Variants in FOXK1 observed in about 807,000 individuals in gnomAD.
FOXK1 encodes forkhead box K1.
Under a neutral mutation model 51.9 loss-of-function variants are expected in FOXK1, and 19 were observed. That is an observed-to-expected ratio of 0.37 (90% CI 0.26 to 0.54). The LOEUF is 0.54. Among genes scored for constraint, FOXK1 ranks in the 20% least tolerant of loss-of-function variants. FOXK1 has a pLI of 0.87. For missense variants in FOXK1, 870 were observed against 1,032.7 expected, an observed-to-expected ratio of 0.84 and a Z score of 2.16; for synonymous variants, 537 against 482.6, an observed-to-expected ratio of 1.11 and a Z score of -1.48.
chr7:4,754,672 A>C, intron 3 of FOXK1, 57 bp downstream of exon 3: 1 of 1,556,028 alleles, frequency 6.4e-7, no homozygotes, highest in Non-Finnish European at 8.7e-7. Flanking sequence ...GGCCATAGTG[A>C]CCCGGCGCGG....
chr7:4,732,093 TCTG>T (rs1780485328), intron 1 of FOXK1, among the ~76,000 whole-genome samples: 1 of 152,206 alleles, frequency 6.6e-6, no homozygotes, highest in African/African-American at 2.4e-5. Context: ...CACTTGGGCT[TCTG>T]CTACATTTAT....
chr7:4,693,183 T>C (rs1779915364), intron 1 of FOXK1, among the ~76,000 whole-genome samples: 1 of 152,224 alleles, frequency 6.6e-6, no homozygotes, highest in Non-Finnish European at 1.5e-5. Flanking sequence ...ATGCAGATCT[T>C]CTAATGTTAA....
Position 4,749,928 on chromosome 7 carries a change from C to T in FOXK1, c.747-4531C>T, listed in dbSNP as rs73305336. 0.02 allele frequency among the ~76,000 whole-genome samples: 3,006 copies of T among 152,310 alleles called. 97 individuals carry two copies. The highest frequency in any genetic ancestry group is 0.069 in the African/African-American group (2,862 of 41,560). On this transcript the variant is annotated intron_variant, in intron 2 of 8. Transcript: ENST00000328914. The surrounding 1 kb of genome is among the most constrained non-coding windows in gnomAD (Gnocchi z 6.0). ...CACAGCCCGTCCGTCCCTCTGCAGT[C>T]TCCCTGCACTGGCATGTCCTGGGTG...
intron 1 of FOXK1, among the ~76,000 whole-genome samples, chr7:4,738,619 C>T (rs1189723083): frequency 6.6e-6 from 1 of 152,132 alleles, no homozygotes; most frequent in Non-Finnish European, 1.5e-5. Context: ...CCCTTCTAAA[C>T]CTCAGGGGTG....
At chr7:4,741,153 T>G (rs762850888) in intron 2 of FOXK1, 130 bp downstream of exon 2, 23 of 626,934 alleles carry the variant, frequency 3.7e-5, no homozygotes, top group Non-Finnish European at 5.2e-5. Flanking sequence ...ACAGAAAGTG[T>G]TGTACGTCCA....
At position 4,756,611 on chromosome 7, in the gene FOXK1, A is replaced by G. The variant is rs1377656873; in HGVS notation, c.1051-383A>G. Among the ~76,000 whole-genome samples, 1 of 151,910 alleles carries G rather than the reference A, an allele frequency of 6.6e-6. No individual in the cohort carries two copies. The highest frequency in any genetic ancestry group is 1.5e-5 in the Non-Finnish European group (1 of 67,968). ...GACCCCATCTCAACTAAAAATACAA[A>G]AAAATCAACCCAGCATGGTGGCCCA... On this transcript the variant is annotated intron_variant, in intron 4 of 8. Transcript: ENST00000328914. This position sits in a 1 kb window ranked among gnomAD's most constrained non-coding sequence, Gnocchi z 4.1.
At chr7:4,705,971 T>TATAC (rs1780088097) in intron 1 of FOXK1, among the ~76,000 whole-genome samples, 5 of 76,468 alleles carry the variant, frequency 6.5e-5, no homozygotes, top group African/African-American at 4.3e-4. Flanking sequence ...TATATATATA[T>TATAC]ACGTATATAT....
intron 1 of FOXK1, among the ~76,000 whole-genome samples, chr7:4,701,072 G>C (rs757049404): frequency 9.9e-5 from 15 of 152,188 alleles, no homozygotes; most frequent in Non-Finnish European, 1.8e-4. Context: ...GTTCCAGCAG[G>C]GGCGGCCGCT....
rs1780722062 is a variant in FOXK1 at position 4,747,602 on chromosome 7, C to T, written c.746+6579C>T. Among the ~76,000 whole-genome samples, 1 of 152,068 alleles carries T rather than the reference C, an allele frequency of 6.6e-6. No individual in the cohort carries two copies. Among genetic ancestry groups the T allele is most frequent in the African/African-American group, 2.4e-5 (1 of 41,376 alleles). On this transcript the variant is annotated intron_variant, in intron 2 of 8. Transcript: ENST00000328914. The surrounding 1 kb of genome is among the most constrained non-coding windows in gnomAD (Gnocchi z 9.2). ...CCAGGCTGGAGTGCAGTGGCACAGT[C>T]ACAGCTCACTGCAACCTCAACCTCC...
intron 2 of FOXK1, among the ~76,000 whole-genome samples, chr7:4,744,452 C>T (rs1780675494): frequency 6.6e-6 from 1 of 152,214 alleles, no homozygotes. Context: ...TTCGATCTTC[C>T]TGTTCCCGGG....
chr7:4,741,578 G>A (rs1348778476), intron 2 of FOXK1, among the ~76,000 whole-genome samples: 1 of 152,180 alleles, frequency 6.6e-6, no homozygotes, highest in African/African-American at 2.4e-5. Context: ...TGATCCACCC[G>A]CCTTGGCCTC....
At chr7:4,704,778 G>T (rs1006491462) in intron 1 of FOXK1, among the ~76,000 whole-genome samples, 1 of 150,790 alleles carries the variant, frequency 6.6e-6, no homozygotes, top group African/African-American at 2.4e-5. Flanking sequence ...TGTTGCCCAG[G>T]CTGGTCTCAA....
chr7:4,721,066 G>T (rs956551284), intron 1 of FOXK1, among the ~76,000 whole-genome samples: 2 of 152,030 alleles, frequency 1.3e-5, no homozygotes, highest in African/African-American at 4.8e-5. Context: ...TTCTCTGCAC[G>T]GGCCCTCCGT....
intron 5 of FOXK1, among the ~76,000 whole-genome samples, chr7:4,757,418 A>G (rs1780868740): frequency 2.0e-5 from 3 of 152,096 alleles, no homozygotes; most frequent in South Asian, 4.1e-4. Context: ...ACCTGAGGTC[A>G]GGGGTTTGAG....
chr7:4,762,285 G>A lies in FOXK1; in HGVS notation c.2023G>A (p.Ala675Thr). Residue 675 changes from alanine to threonine, a missense_variant, in exon 9 of 9, where the codon GCC (alanine) becomes ACC (threonine). This residue lies in a region of FOXK1 where 457 missense variants were observed against 510.8 expected (regional missense o/e 0.89). Transcript: ENST00000328914. This position sits in a 1 kb window ranked among gnomAD's most constrained non-coding sequence, Gnocchi z 5.7. The part of the protein sequence containing the change: ...CEVGPKEPAA[A>T]VAATATTTPA... ...GGTGGGGCCCAAGGAGCCAGCAGCA[G>A]CCGTCGCGGCCACGGCCACCACCAC... 1 of 1,550,526 alleles carries A rather than the reference G, an allele frequency of 6.4e-7. No individual in the cohort carries two copies. The highest frequency in any genetic ancestry group is 8.7e-7 in the Non-Finnish European group (1 of 1,146,838).
chr7:4,737,215 G>A (rs925884025), intron 1 of FOXK1, among the ~76,000 whole-genome samples: 10 of 152,198 alleles, frequency 6.6e-5, no homozygotes, highest in African/African-American at 2.4e-4. Flanking sequence ...AGCGTGATCC[G>A]ATCCCATATT....
chr7:4,759,061 G>T lies in FOXK1; in HGVS notation c.1255G>T (p.Ala419Ser). The T allele has an allele frequency of 6.3e-7, 1 of 1,599,548 alleles. No homozygotes were observed. Among genetic ancestry groups the T allele is most frequent in the Non-Finnish European group, 8.5e-7 (1 of 1,175,056 alleles). The change falls in exon 6 of 9, where the codon GCT becomes TCT. Residue 419 changes from alanine (A) to serine (S), a missense_variant. By Grantham distance (99) the Ala-to-Ser change is moderately conservative. This residue lies in a region of FOXK1 where 457 missense variants were observed against 510.8 expected (regional missense o/e 0.89). Coordinates refer to ENST00000328914, the MANE Select transcript of FOXK1 (RefSeq NM_001037165.2). The stretch of plus-strand genomic sequence containing the variant: ...TTGCCTGTCTTCCAGGAGCGCTCCA[G>T]CTTCGCCCACACACCCCGGGCTGAT... ...FGPLSSRSAP[A>S]SPTHPGLMSP...
At chr7:4,687,747 G>A (rs1270990640) in intron 1 of FOXK1, among the ~76,000 whole-genome samples, 1 of 152,118 alleles carries the variant, frequency 6.6e-6, no homozygotes, top group Non-Finnish European at 1.5e-5. Flanking sequence ...TATTTTTATA[G>A]TAAATGTGGA....
At chr7:4,726,908 A>G (rs1228080376) in intron 1 of FOXK1, among the ~76,000 whole-genome samples, 3 of 152,210 alleles carry the variant, frequency 2.0e-5, no homozygotes, top group Non-Finnish European at 4.4e-5. Flanking sequence ...TACCTGGTAT[A>G]TATAATAATA....
Sources: gnomAD v4.1 joint callset for allele counts (sites outside exome capture counted in the v4.1 genomes callset) on GRCh38, gnomAD v4.1.1 for gene constraint, gnomAD v4.1.1 regional missense constraint, Gnocchi (gnomAD v3.1) non-coding constraint, MANE v1.5 for transcripts, NCBI Gene and HGNC (gene_info 2026-07-23, HGNC 2026-07-21) for gene names.